SCRG1: variants seen among roughly 807,000 people sequenced by gnomAD.
SCRG1 encodes scrapie-responsive protein 1.
SCRG1 carries 3 observed loss-of-function variants against 7.7 expected under a neutral mutation model. That is an observed-to-expected ratio of 0.39 (90% CI 0.18 to 1.01). The LOEUF (loss-of-function observed/expected upper bound fraction) is 1.01. SCRG1 is among the 50% of genes least tolerant of loss of function. SCRG1 has a pLI of 0.36. For missense variants in SCRG1, 110 were observed against 117.2 expected, an observed-to-expected ratio of 0.94 and a Z score of 0.28; for synonymous variants, 46 against 41.2, an observed-to-expected ratio of 1.12 and a Z score of -0.44.
the SCRG1 span, among the ~76,000 whole-genome samples, chr4:173,465,929 C>T: frequency 4.6e-5 from 7 of 152,008 alleles, no homozygotes; most frequent in East Asian, 9.6e-4. Flanking sequence ...GCAAGTGGTT[C>T]GTCTTCCCAG....
At chr4:173,423,056 G>T in the SCRG1 span, among the ~76,000 whole-genome samples, 6,853 of 152,020 alleles carry the variant, frequency 0.045, 398 homozygotes, top group East Asian at 0.22. Context: ...GATTCACCTG[G>T]TTTTCTCCAT....
the SCRG1 span, chr4:173,419,452 G>T: frequency 1.0e-6 from 1 of 964,416 alleles, no homozygotes; most frequent in Non-Finnish European, 1.6e-6. Context: ...GAGTTACGCT[G>T]TTCTTTGTGT....
chr4:173,488,974 C>T, the SCRG1 span, among the ~76,000 whole-genome samples: 1 of 152,136 alleles, frequency 6.6e-6, no homozygotes, highest in East Asian at 1.9e-4. Flanking sequence ...CAGCTAATAG[C>T]ACAGTGAAGA....
the SCRG1 span, among the ~76,000 whole-genome samples, chr4:173,445,304 CG>C: frequency 7.2e-5 from 11 of 151,852 alleles, no homozygotes; most frequent in African/African-American, 2.4e-4. Flanking sequence ...CATGCAAGGC[CG>C]GGCGCGATGG....
the SCRG1 span, among the ~76,000 whole-genome samples, chr4:173,415,715 G>C: frequency 6.6e-6 from 1 of 152,288 alleles, no homozygotes; most frequent in African/African-American, 2.4e-5. Flanking sequence ...CAAATAGCGT[G>C]CCCAAGTTAC....
chr4:173,497,221 A>T, the SCRG1 span, among the ~76,000 whole-genome samples: 5 of 152,198 alleles, frequency 3.3e-5, no homozygotes, highest in African/African-American at 9.7e-5. Flanking sequence ...CACATTGACC[A>T]CCAGTTGGCT....
chr4:173,463,852 T>C, the SCRG1 span, among the ~76,000 whole-genome samples: 2 of 152,004 alleles, frequency 1.3e-5, no homozygotes, highest in Non-Finnish European at 2.9e-5. Flanking sequence ...CATATACTAA[T>C]GGGTAACATG....
chr4:173,462,270 C>T, the SCRG1 span, among the ~76,000 whole-genome samples: 4 of 151,894 alleles, frequency 2.6e-5, no homozygotes, highest in Non-Finnish European at 5.9e-5. Flanking sequence ...GTCAAACTCC[C>T]AAAGGTCAAG....
chr4:173,391,198 A>G lies in SCRG1; in HGVS notation c.217T>C (p.Phe73Leu). 1 of 1,614,184 alleles carries G rather than the reference A, an allele frequency of 6.2e-7. No homozygotes were observed. The highest frequency in any genetic ancestry group is 8.5e-7 in the Non-Finnish European group (1 of 1,180,026). ...KGCEMICYCN[F>L]SELLCCPKDV... ...TTTGGGCAGCAGAGCAATTCGCTGAAGTTGCAGTAACAGATCATCTCACAT... is the reference window on the plus strand; with the variant it reads ...TTTGGGCAGCAGAGCAATTCGCTGAGGTTGCAGTAACAGATCATCTCACAT... Residue 73 changes from phenylalanine to leucine, a missense_variant, in exon 2 of 3, where the codon TTC (phenylalanine) becomes CTC (leucine). Physicochemically the swap from Phe to Leu is conservative, Grantham distance 22. Transcript: ENST00000296506.
At chr4:173,492,875 T>C in the SCRG1 span, among the ~76,000 whole-genome samples, 1 of 152,208 alleles carries the variant, frequency 6.6e-6, no homozygotes, top group African/African-American at 2.4e-5. Context: ...TTACAGTTTT[T>C]ACACTTCTAG....
chr4:173,509,398 C>T, the SCRG1 span, among the ~76,000 whole-genome samples: 3 of 152,126 alleles, frequency 2.0e-5, no homozygotes, highest in Admixed American at 2.0e-4. The surrounding 1 kb of genome is among the most constrained non-coding windows in gnomAD (Gnocchi z 5.7). Flanking sequence ...TGGCGCTTTT[C>T]CTCCCCGGGA....
chr4:173,446,312 T>G, the SCRG1 span, among the ~76,000 whole-genome samples: 1 of 152,324 alleles, frequency 6.6e-6, no homozygotes, highest in South Asian at 2.1e-4. Context: ...AAAGCAATGC[T>G]GGTTAAAACT....
At chr4:173,417,115 GACAC>G in the SCRG1 span, among the ~76,000 whole-genome samples, 132 of 149,674 alleles carry the variant, frequency 8.8e-4, 1 homozygote, top group East Asian at 0.011. Context: ...CACACACACA[GACAC>G]ACACAGACAG....
chr4:173,427,822 A>G, the SCRG1 span, among the ~76,000 whole-genome samples: 1 of 152,344 alleles, frequency 6.6e-6, no homozygotes, highest in African/African-American at 2.4e-5. Flanking sequence ...GCAGGTTGCT[A>G]AAAGAGTTAA....
At chr4:173,513,477 A>C in the SCRG1 span, among the ~76,000 whole-genome samples, 1 of 152,272 alleles carries the variant, frequency 6.6e-6, no homozygotes, top group Non-Finnish European at 1.5e-5. Context: ...CAAACTGCTC[A>C]GGCTGCTAAG....
chr4:173,518,529 C>G, the SCRG1 span, among the ~76,000 whole-genome samples: 3 of 152,198 alleles, frequency 2.0e-5, no homozygotes, highest in African/African-American at 7.2e-5. Flanking sequence ...GAAACCTGCT[C>G]TCTATGCTCC....
At chr4:173,448,670 A>C in the SCRG1 span, among the ~76,000 whole-genome samples, 2 of 152,204 alleles carry the variant, frequency 1.3e-5, no homozygotes, top group African/African-American at 4.8e-5. Context: ...GATGTCATCC[A>C]TGTCCTTACA....
the SCRG1 span, among the ~76,000 whole-genome samples, chr4:173,436,853 T>C: frequency 2.6e-5 from 4 of 152,178 alleles, no homozygotes; most frequent in Admixed American, 6.6e-5. Context: ...TTTCACTAAT[T>C]ACTCCTCTCC....
At chr4:173,491,185 GA>G in the SCRG1 span, among the ~76,000 whole-genome samples, 1 of 149,176 alleles carries the variant, frequency 6.7e-6, no homozygotes, top group Admixed American at 6.7e-5. Context: ...AGAAATAAGT[GA>G]ACTAATACAG....
Sources: allele counts gnomAD v4.1 joint callset (sites outside exome capture counted in the v4.1 genomes callset), GRCh38; gene constraint gnomAD v4.1.1; non-coding constraint Gnocchi (gnomAD v3.1); transcripts MANE v1.5; gene names NCBI Gene and HGNC (gene_info 2026-07-23, HGNC 2026-07-21).